XKR9: variants seen among roughly 807,000 people sequenced by gnomAD.
The protein encoded by XKR9 is XK related 9.
Under a neutral mutation model 32.0 loss-of-function variants are expected in XKR9, and 32 were observed. The ratio of observed to expected loss-of-function variants is 1.00; its 90% CI spans 0.76 to 1.34. The LOEUF (loss-of-function observed/expected upper bound fraction) is 1.34. Ranked by LOEUF, XKR9 falls within the 40% of genes most tolerant of loss-of-function variation. The pLI, the probability that XKR9 is intolerant of heterozygous loss-of-function variation, is 0.00. For missense variants in XKR9, 546 were observed against 429.7 expected (o/e 1.27, Z -2.39); for synonymous variants, 168 against 143.4 (o/e 1.17, Z -1.22).
chr8:70,714,728 G>T (rs993857896), intron 4 of XKR9, among the ~76,000 whole-genome samples: 1 of 151,994 alleles, frequency 6.6e-6, no homozygotes, highest in Admixed American at 6.6e-5. Context: ...CGTTTGAATT[G>T]ACATCTCTAG....
chr8:70,708,634 T>C (rs998380552), intron 4 of XKR9, among the ~76,000 whole-genome samples: 7 of 152,116 alleles, frequency 4.6e-5, no homozygotes, highest in Non-Finnish European at 1.5e-5. Context: ...GAGATTATTA[T>C]ATAGAAAAAT....
the XKR9 span, among the ~76,000 whole-genome samples, chr8:70,974,507 CT>C: frequency 6.6e-6 from 1 of 152,158 alleles, no homozygotes; most frequent in East Asian, 1.9e-4. Flanking sequence ...GTTTTCTGGC[CT>C]GGCGATAGTT....
the XKR9 span, among the ~76,000 whole-genome samples, chr8:71,051,877 C>G: frequency 1.3e-5 from 2 of 152,146 alleles, no homozygotes; most frequent in African/African-American, 4.8e-5. Flanking sequence ...GAAATTCTAT[C>G]GTGAAGTTGT....
At chr8:71,038,219 T>C in the XKR9 span, among the ~76,000 whole-genome samples, 1 of 152,106 alleles carries the variant, frequency 6.6e-6, no homozygotes, top group Admixed American at 6.5e-5. Context: ...ACAATTCAGT[T>C]GATTTATTTC....
chr8:70,920,090 T>C, the XKR9 span, among the ~76,000 whole-genome samples: 3 of 152,202 alleles, frequency 2.0e-5, no homozygotes, highest in African/African-American at 7.2e-5. Flanking sequence ...ACAATGCTTA[T>C]ATTTTATGGC....
the XKR9 span, among the ~76,000 whole-genome samples, chr8:70,979,004 C>A: frequency 4.6e-5 from 7 of 152,178 alleles, no homozygotes; most frequent in East Asian, 1.2e-3. Flanking sequence ...ATCAATGATA[C>A]CCTTTCTTCC....
the XKR9 span, among the ~76,000 whole-genome samples, chr8:71,011,956 C>T: frequency 1.3e-5 from 2 of 152,136 alleles, no homozygotes; most frequent in Non-Finnish European, 2.9e-5. Flanking sequence ...CTTATATACA[C>T]TTGCTTTCAT....
downstream of XKR9, among the ~76,000 whole-genome samples, chr8:70,795,016 G>T (rs1023789788): frequency 6.6e-6 from 1 of 151,852 alleles, no homozygotes; most frequent in African/African-American, 2.4e-5. Flanking sequence ...GTTCAGGGCA[G>T]GTTTGCTATA....
intron 2 of XKR9, among the ~76,000 whole-genome samples, chr8:70,769,647 T>C (rs1403149095): frequency 1.3e-5 from 2 of 152,064 alleles, no homozygotes; most frequent in Non-Finnish European, 2.9e-5. Flanking sequence ...TTTTCATTCT[T>C]TTTTCTCTAA....
chr8:70,774,907 C>A (rs1807498905), intron 2 of XKR9, among the ~76,000 whole-genome samples: 1 of 151,726 alleles, frequency 6.6e-6, no homozygotes, highest in South Asian at 2.1e-4. Flanking sequence ...AAGTTTTTAC[C>A]TTTTAGAAAA....
the XKR9 span, among the ~76,000 whole-genome samples, chr8:70,931,952 GAC>G: frequency 6.6e-6 from 1 of 152,120 alleles, no homozygotes; most frequent in Non-Finnish European, 1.5e-5. Flanking sequence ...ATTTGGAGGA[GAC>G]ATACATCCTA....
At chr8:70,869,205 A>G in the XKR9 span, among the ~76,000 whole-genome samples, 3 of 152,184 alleles carry the variant, frequency 2.0e-5, no homozygotes, top group Non-Finnish European at 4.4e-5. Flanking sequence ...ATTTTTGGGT[A>G]TCTTTTCAGC....
the XKR9 span, among the ~76,000 whole-genome samples, chr8:70,947,675 C>G: frequency 1.1e-4 from 17 of 152,196 alleles, no homozygotes; most frequent in Admixed American, 4.6e-4. Context: ...TTTACCTAGG[C>G]TCACTTGTGA....
At chr8:70,917,716 A>G in the XKR9 span, among the ~76,000 whole-genome samples, 2 of 152,240 alleles carry the variant, frequency 1.3e-5, no homozygotes, top group East Asian at 3.8e-4. Flanking sequence ...TTAAAAGTGT[A>G]GTAGCAGTTA....
downstream of XKR9, among the ~76,000 whole-genome samples, chr8:70,791,540 G>T (rs939740498): frequency 1.3e-5 from 2 of 152,048 alleles, no homozygotes; most frequent in African/African-American, 2.4e-5. Flanking sequence ...GTGGGAGTGG[G>T]TTCCTTCCTT....
the XKR9 span, among the ~76,000 whole-genome samples, chr8:70,849,912 A>C: frequency 1.5e-3 from 230 of 152,222 alleles, no homozygotes; most frequent in African/African-American, 5.4e-3. Context: ...TCCCAAAACA[A>C]AACCAGGAAG....
At chr8:70,717,576 G>A (rs982281898) in intron 4 of XKR9, among the ~76,000 whole-genome samples, 3 of 152,128 alleles carry the variant, frequency 2.0e-5, no homozygotes, top group Non-Finnish European at 4.4e-5. Flanking sequence ...GGGATGCAGG[G>A]AACCATGTCC....
At chr8:70,748,961 T>C (rs1209462159) in intron 2 of XKR9, among the ~76,000 whole-genome samples, 1 of 152,154 alleles carries the variant, frequency 6.6e-6, no homozygotes, top group Non-Finnish European at 1.5e-5. Flanking sequence ...ATAAAGGAGC[T>C]ACCCACCATA....
chr8:70,849,521 C>T, the XKR9 span, among the ~76,000 whole-genome samples: 1 of 152,220 alleles, frequency 6.6e-6, no homozygotes, highest in East Asian at 1.9e-4. Context: ...CAAGAAATAT[C>T]TAAAATCGAC....
Sources: gnomAD v4.1 joint callset for allele counts (sites outside exome capture counted in the v4.1 genomes callset) on GRCh38, gnomAD v4.1.1 for gene constraint, MANE v1.5 for transcripts, NCBI Gene and HGNC (gene_info 2026-07-23, HGNC 2026-07-21) for gene names.